The following CPB2 variants were observed in gnomAD, a reference collection of about 807,000 sequenced individuals.
CPB2 encodes carboxypeptidase B2, also known as carboxypeptidase B-like protein.
A neutral mutation model predicts 57.0 loss-of-function variants in CPB2; 54 were observed. The ratio of observed to expected loss-of-function variants is 0.95; its 90% CI spans 0.76 to 1.19. The LOEUF (loss-of-function observed/expected upper bound fraction) is 1.19, where lower values mean the gene tolerates loss of function less well. CPB2 is among the 50% of genes most tolerant of loss of function. The pLI, the probability that CPB2 is intolerant of heterozygous loss-of-function variation, is 0.00. For synonymous variants in CPB2, 189 were observed against 178.1 expected, an observed-to-expected ratio of 1.06 and a Z score of -0.49; for missense variants, 426 against 512.0, an observed-to-expected ratio of 0.83 and a Z score of 1.62.
At chr13:46,090,480 G>A (rs764409903) in intron 1 of CPB2, among the ~76,000 whole-genome samples, 15 of 150,200 alleles carry the variant, frequency 1.0e-4, no homozygotes, top group Non-Finnish European at 1.0e-4. Flanking sequence ...CTCCTGACTC[G>A]GCCTCCTGAG....
intron 4 of CPB2, among the ~76,000 whole-genome samples, chr13:46,079,220 T>A (rs1452185932): frequency 6.6e-6 from 1 of 152,190 alleles, no homozygotes; most frequent in Admixed American, 6.5e-5. Flanking sequence ...CCCCTGTGTA[T>A]GAAATTCTTG....
chr13:46,057,905 T>A (rs1350225311), intron 9 of CPB2, among the ~76,000 whole-genome samples: 2 of 152,214 alleles, frequency 1.3e-5, no homozygotes, highest in Non-Finnish European at 2.9e-5. Flanking sequence ...TCAAGTGTAG[T>A]AGTAGTTCCT....
At chr13:46,084,197 A>G (rs1665007722) in intron 3 of CPB2, 22 bp downstream of exon 3, 4 of 1,613,608 alleles carry the variant, frequency 2.5e-6, no homozygotes, top group Admixed American at 1.7e-5. Context: ...TAACTACTCA[A>G]TACGTATTGA....
intron 1 of CPB2, chr13:46,100,278 A>T (rs184831288): frequency 1.3e-5 from 2 of 152,234 alleles, no homozygotes; most frequent in Admixed American, 6.5e-5. Flanking sequence ...AAATTTATTG[A>T]TATGTCCAAG....
intron 3 of CPB2, 130 bp downstream of exon 3, chr13:46,084,089 C>T (rs2045161005): frequency 2.7e-6 from 3 of 1,126,540 alleles, no homozygotes; most frequent in East Asian, 2.4e-5. Context: ...TCCATTTGGT[C>T]CAGTCAGAGA....
At chr13:46,092,082 A>C (rs1371617453) in intron 1 of CPB2, among the ~76,000 whole-genome samples, 1 of 152,210 alleles carries the variant, frequency 6.6e-6, no homozygotes, top group African/African-American at 2.4e-5. Context: ...TCAAACAAAT[A>C]TTGCCCTTGA....
In CPB2 at chr13:46,073,988, A is replaced by G. The variant is rs572326675; in HGVS notation, c.487-11T>C. On this transcript the variant is annotated splice_polypyrimidine_tract_variant and intron_variant, in intron 5 of 10. Transcript: ENST00000181383. ...TTCTTTTCCAGAAACCTGCTCAAAGAAACCCCAAAAGTAGCAAAAACAGTA... is the reference window on the plus strand; with the variant it reads ...TTCTTTTCCAGAAACCTGCTCAAAGGAACCCCAAAAGTAGCAAAAACAGTA... The G allele has an allele frequency of 3.0e-5, 46 of 1,547,452 alleles. No homozygotes were observed. The South Asian group carries it at 4.9e-4, about 17-fold the overall frequency.
At chr13:46,083,487 AC>A (rs2045151175) in intron 3 of CPB2, among the ~76,000 whole-genome samples, 1 of 152,202 alleles carries the variant, frequency 6.6e-6, no homozygotes, top group African/African-American at 2.4e-5. Flanking sequence ...ACCCATTGAT[AC>A]ACAGAAGAGA....
intron 10 of CPB2, 149 bp downstream of exon 10, chr13:46,055,613 A>G (rs2044686662): frequency 2.3e-6 from 1 of 433,256 alleles, no homozygotes; most frequent in African/African-American, 2.0e-5. Context: ...TGTCATAGCT[A>G]TTATGCTTCT....
At chr13:46,071,904 G>C (rs2044948176) in intron 6 of CPB2, among the ~76,000 whole-genome samples, 1 of 152,200 alleles carries the variant, frequency 6.6e-6, no homozygotes, top group Non-Finnish European at 1.5e-5. Flanking sequence ...AATTAGATGA[G>C]AGTTTTCTAG....
At chr13:46,079,571 G>GAA (rs1212496456) in intron 4 of CPB2, among the ~76,000 whole-genome samples, 6 of 139,638 alleles carry the variant, frequency 4.3e-5, no homozygotes, top group Non-Finnish European at 9.5e-5. Flanking sequence ...GAAAAGAAAA[G>GAA]AAAAAAATTC....
At chr13:46,082,929 GGAA>G (rs1399816395) in intron 3 of CPB2, among the ~76,000 whole-genome samples, 3 of 151,548 alleles carry the variant, frequency 2.0e-5, no homozygotes, top group Non-Finnish European at 4.4e-5. Context: ...CAGTTAAAGA[GGAA>G]GAAGAAGCAG....
intron 4 of CPB2, among the ~76,000 whole-genome samples, chr13:46,081,281 GT>G (rs2045112151): frequency 1.3e-5 from 2 of 152,198 alleles, no homozygotes; most frequent in Admixed American, 1.3e-4. Context: ...ATTAAAATAT[GT>G]TTTAACAAAT....
intron 1 of CPB2, chr13:46,094,998 C>T (rs1566418284): frequency 6.6e-6 from 1 of 152,110 alleles, no homozygotes; most frequent in Non-Finnish European, 1.5e-5. Context: ...TGGAAATTTC[C>T]TCAGGTAAGT....
chr13:46,092,211 C>CA (rs2139413252), intron 1 of CPB2, among the ~76,000 whole-genome samples: 1 of 152,178 alleles, frequency 6.6e-6, no homozygotes, highest in South Asian at 2.1e-4. Flanking sequence ...AAAACCTGGA[C>CA]AAAATGTATG....
chr13:46,102,671 T>C (rs2045451511), intron 1 of CPB2, among the ~76,000 whole-genome samples: 1 of 150,780 alleles, frequency 6.6e-6, no homozygotes, highest in African/African-American at 2.4e-5. Flanking sequence ...CTGAATGAAA[T>C]TAGATTTCCT....
chr13:46,054,065 AGAACT>A (rs2044642103), intron 10 of CPB2, among the ~76,000 whole-genome samples: 1 of 152,232 alleles, frequency 6.6e-6, no homozygotes, highest in Non-Finnish European at 1.5e-5. Context: ...GGACGTCAAA[AGAACT>A]GAATTCATTT....
intron 1 of CPB2, 28 bp from the exon 2 acceptor site, chr13:46,087,848 G>C (rs1321998129): frequency 6.8e-7 from 1 of 1,463,860 alleles, no homozygotes; most frequent in South Asian, 1.2e-5. Flanking sequence ...AGAGGATTTT[G>C]ATATTAAATA....
chr13:46,090,068 C>T (rs2045268887), intron 1 of CPB2, among the ~76,000 whole-genome samples: 1 of 152,044 alleles, frequency 6.6e-6, no homozygotes, highest in South Asian at 2.1e-4. Context: ...ACCCTTGAGC[C>T]AATACTACTC....
Sources: allele counts gnomAD v4.1 joint callset (sites outside exome capture counted in the v4.1 genomes callset), GRCh38; gene constraint gnomAD v4.1.1; transcripts MANE v1.5; gene names NCBI Gene and HGNC (gene_info 2026-07-23, HGNC 2026-07-21).